DSN1: variants seen among roughly 807,000 people sequenced by gnomAD.
DSN1 encodes the protein DSN1 component of MIS12 kinetochore complex, also known as kinetochore-associated protein DSN1 homolog.
A neutral mutation model predicts 45.7 loss-of-function variants in DSN1; 31 were observed. That is an observed-to-expected ratio of 0.68 (90% CI 0.51 to 0.92). The LOEUF is 0.92. Among genes scored for constraint, DSN1 ranks in the 40% least tolerant of loss-of-function variants. The probability of loss-of-function intolerance (pLI) is 0.00; values close to 1 mark genes in which losing one functional copy is unlikely to be tolerated. For synonymous variants in DSN1, 134 were observed against 142.3 expected (o/e 0.94, Z 0.41); for missense variants, 394 against 414.2 (o/e 0.95, Z 0.42).
At chr20:36,766,633 C>T in intron 5 of DSN1, 136 bp downstream of exon 5, 1 of 770,720 alleles carries the variant, frequency 1.3e-6, no homozygotes, top group South Asian at 1.6e-5. Context: ...CCAGTCTGGG[C>T]AAGAGTGAGA....
At chr20:36,753,638 A>G (rs998362746) in intron 10 of DSN1, among the ~76,000 whole-genome samples, 1 of 148,546 alleles carries the variant, frequency 6.7e-6, no homozygotes, top group African/African-American at 2.5e-5. Context: ...ACTGTCTCAA[A>G]AAAAAAAAAA....
intron 5 of DSN1, among the ~76,000 whole-genome samples, chr20:36,765,993 A>T (rs998373094): frequency 4.0e-5 from 6 of 150,784 alleles, no homozygotes; most frequent in Non-Finnish European, 8.9e-5. Flanking sequence ...AGGAATTAGA[A>T]ACCAGCCTGG....
intron 8 of DSN1, 86 bp from the exon 9 acceptor site, chr20:36,755,915 A>C (rs1158954275): frequency 6.8e-7 from 1 of 1,468,276 alleles, no homozygotes; most frequent in Non-Finnish European, 9.3e-7. Context: ...AAGCTGAATC[A>C]GTATTCCTCC....
chr20:36,772,327 C>G (rs892494383), intron 1 of DSN1, among the ~76,000 whole-genome samples: 2 of 150,456 alleles, frequency 1.3e-5, no homozygotes, highest in Non-Finnish European at 3.0e-5. Context: ...CTCACTCTGT[C>G]GCCAAGGCTG....
chr20:36,755,599 C>A, intron 9 of DSN1, 83 bp downstream of exon 9: 3 of 1,502,194 alleles, frequency 2.0e-6, no homozygotes, highest in Admixed American at 2.1e-5. Context: ...TACACTTATA[C>A]ATTTCTCCAG....
intron 10 of DSN1, among the ~76,000 whole-genome samples, chr20:36,754,522 A>AAAC (rs1165191867): frequency 6.6e-6 from 1 of 152,292 alleles, no homozygotes; most frequent in East Asian, 1.9e-4. Context: ...GGATTTACCA[A>AAAC]AACAACAACA....
rs1280468362 is a variant in DSN1, at chr20:36,773,738, T to G, written c.-92A>C. On this transcript the variant is annotated 5_prime_UTR_variant, in exon 1 of 11. Transcript: ENST00000373750. ...CGCCTTGCGCACCCGCAGCCGATAC[T>G]CCCTGATCAGGGTGAAGCGGTCTCC... The G allele has an allele frequency of 1.5e-5, 15 of 985,546 alleles. No individual in the cohort carries two copies. The highest frequency in any genetic ancestry group is 1.8e-5 in the Non-Finnish European group (15 of 830,018). The allele number at this position is 985,546 out of a possible 1,614,324, so 61.1% of individuals were successfully genotyped here.
At chr20:36,754,913 T>C (rs2148256638) in intron 9 of DSN1, 63 bp from the exon 10 acceptor site, 20 of 1,434,540 alleles carry the variant, frequency 1.4e-5, no homozygotes, top group Non-Finnish European at 1.9e-5. Context: ...TCCTCAAACC[T>C]GACAAGCAAG....
At chr20:36,764,371 G>A (rs545160194) in intron 5 of DSN1, among the ~76,000 whole-genome samples, 1 of 152,226 alleles carries the variant, frequency 6.6e-6, no homozygotes, top group East Asian at 1.9e-4. Context: ...TTTAATTAAG[G>A]TGATGGTACA....
chr20:36,761,796 A>G (rs1986995221), intron 6 of DSN1, among the ~76,000 whole-genome samples: 2 of 152,162 alleles, frequency 1.3e-5, no homozygotes, highest in South Asian at 4.1e-4. Context: ...CAGGAGCTCG[A>G]GACCAGCCTG....
intron 8 of DSN1, among the ~76,000 whole-genome samples, chr20:36,756,243 G>A (rs1400117135): frequency 6.6e-6 from 1 of 152,176 alleles, no homozygotes; most frequent in Non-Finnish European, 1.5e-5. Flanking sequence ...GCCTCCCAAA[G>A]TGCTGGAATT....
At chr20:36,765,364 T>C (rs771878924) in intron 5 of DSN1, among the ~76,000 whole-genome samples, 2 of 150,584 alleles carry the variant, frequency 1.3e-5, no homozygotes, top group Non-Finnish European at 2.9e-5. Flanking sequence ...GAGACCAGCC[T>C]GACCAACATG....
intron 6 of DSN1, among the ~76,000 whole-genome samples, chr20:36,761,872 G>A (rs1019957283): frequency 6.6e-6 from 1 of 151,786 alleles, no homozygotes. Flanking sequence ...AGCCAGGCAT[G>A]GTGGCGCATG....
At chr20:36,757,274 T>C (rs529805130) in intron 8 of DSN1, among the ~76,000 whole-genome samples, 1 of 152,078 alleles carries the variant, frequency 6.6e-6, no homozygotes, top group Non-Finnish European at 1.5e-5. Flanking sequence ...GAGAATCGCC[T>C]GAACTAGGGA....
intron 3 of DSN1, among the ~76,000 whole-genome samples, chr20:36,770,100 T>C (rs569993475): frequency 6.6e-6 from 1 of 152,086 alleles, no homozygotes; most frequent in Non-Finnish European, 1.5e-5. Context: ...GGGTCTTACT[T>C]TGTCACCCAG....
At chr20:36,764,446 A>G (rs1211654655) in intron 5 of DSN1, among the ~76,000 whole-genome samples, 2 of 152,162 alleles carry the variant, frequency 1.3e-5, no homozygotes, top group Non-Finnish European at 2.9e-5. Flanking sequence ...AGATCTTTTA[A>G]GTGGGTAAAC....
chr20:36,757,591 CA>C (rs1166124933), intron 8 of DSN1, among the ~76,000 whole-genome samples: 1 of 152,072 alleles, frequency 6.6e-6, no homozygotes, highest in African/African-American at 2.4e-5. Context: ...CAAAACAAAA[CA>C]AAACAACACC....
At chr20:36,766,684 A>C (rs1157041356) in intron 5 of DSN1, 85 bp downstream of exon 5, 3 of 1,189,866 alleles carry the variant, frequency 2.5e-6, no homozygotes, top group Admixed American at 2.2e-5. Flanking sequence ...TAGTTTTATA[A>C]GGGAGCAGCT....
chr20:36,752,954 G>A (rs1986452834), intron 10 of DSN1, 57 bp from the exon 11 acceptor site: 7 of 1,410,808 alleles, frequency 5.0e-6, no homozygotes, highest in Non-Finnish European at 7.0e-6. Context: ...AACATTTATT[G>A]AAAACTTAAT....
Sources: gnomAD v4.1 joint callset for allele counts (sites outside exome capture counted in the v4.1 genomes callset) on GRCh38, gnomAD v4.1.1 for gene constraint, MANE v1.5 for transcripts, NCBI Gene and HGNC (gene_info 2026-07-23, HGNC 2026-07-21) for gene names.